Variants in INIP observed in about 807,000 individuals in gnomAD.
The protein encoded by INIP is SOSS complex subunit C.
INIP carries 9 observed loss-of-function variants against 14.0 expected under a neutral mutation model. The ratio of observed to expected loss-of-function variants is 0.64; its 90% confidence interval spans 0.39 to 1.12. The LOEUF (loss-of-function observed/expected upper bound fraction) is 1.12. INIP is among the 50% of genes most tolerant of loss of function. The probability of loss-of-function intolerance (pLI) is 0.01; values close to 1 mark genes in which losing one functional copy is unlikely to be tolerated. For missense variants in INIP, 78 were observed against 122.7 expected, an observed-to-expected ratio of 0.64 and a Z score of 1.72; for synonymous variants, 37 against 41.5, an observed-to-expected ratio of 0.89 and a Z score of 0.41.
intron 2 of INIP, among the ~76,000 whole-genome samples, chr9:112,708,183 A>G (rs1408562724): frequency 2.0e-5 from 3 of 152,262 alleles, no homozygotes; most frequent in African/African-American, 7.2e-5. Context: ...TATTGTAGGA[A>G]TGAATGCTAA....
intron 2 of INIP, among the ~76,000 whole-genome samples, chr9:112,703,617 A>G (rs1418488537): frequency 6.6e-6 from 1 of 152,182 alleles, no homozygotes; most frequent in African/African-American, 2.4e-5. Context: ...AGGGCAGGAA[A>G]AAAATATCAA....
At chr9:112,716,712 C>T (rs1311342428) in intron 1 of INIP, among the ~76,000 whole-genome samples, 171 bp from the exon 2 acceptor site, 1 of 151,858 alleles carries the variant, frequency 6.6e-6, no homozygotes, top group East Asian at 1.9e-4. Flanking sequence ...TTTGGGAGGC[C>T]GAGGCGGGCG....
At chr9:112,689,987 T>C (rs1008343082) in intron 3 of INIP, among the ~76,000 whole-genome samples, 10 of 152,306 alleles carry the variant, frequency 6.6e-5, no homozygotes, top group African/African-American at 2.4e-4. Flanking sequence ...AACTTTTCAT[T>C]ATATATTCTT....
chr9:112,695,099 C>T (rs1838029238), intron 2 of INIP, among the ~76,000 whole-genome samples: 1 of 152,118 alleles, frequency 6.6e-6, no homozygotes, highest in Non-Finnish European at 1.5e-5. Context: ...CAACAATTCA[C>T]CAGAACTAAG....
At chr9:112,715,129 T>TACACACACAC (rs1408313814) in intron 2 of INIP, among the ~76,000 whole-genome samples, 2 of 100,910 alleles carry the variant, frequency 2.0e-5, no homozygotes, top group Non-Finnish European at 4.1e-5. Flanking sequence ...CATACATACA[T>TACACACACAC]ACATACACAC....
intron 3 of INIP, among the ~76,000 whole-genome samples, chr9:112,692,431 G>A (rs1354900887): frequency 6.6e-6 from 1 of 152,046 alleles, no homozygotes; most frequent in African/African-American, 2.4e-5. Context: ...CTACAGGCAT[G>A]CACCACCATG....
chr9:112,716,215 G>A (rs937939999), intron 2 of INIP, among the ~76,000 whole-genome samples: 2 of 152,110 alleles, frequency 1.3e-5, no homozygotes, highest in African/African-American at 2.4e-5. Context: ...TGGGATTACA[G>A]GTGCCCGCCA....
chr9:112,712,916 C>T (rs1427597348), intron 2 of INIP, among the ~76,000 whole-genome samples: 1 of 152,130 alleles, frequency 6.6e-6, no homozygotes, highest in Admixed American at 6.5e-5. Flanking sequence ...TCTAGGCATA[C>T]CATAGTCAGA....
At chr9:112,703,679 G>C (rs1838369925) in intron 2 of INIP, among the ~76,000 whole-genome samples, 1 of 152,142 alleles carries the variant, frequency 6.6e-6, no homozygotes, top group Admixed American at 6.5e-5. Flanking sequence ...CTGGTCTCAA[G>C]TAATCCTTCC....
intron 4 of INIP, 46 bp downstream of exon 4, chr9:112,689,481 T>C (rs750481006): frequency 1.4e-6 from 2 of 1,454,886 alleles, no homozygotes; most frequent in Non-Finnish European, 9.6e-7. Flanking sequence ...GCTTCTGAGA[T>C]CCAGGAAACC....
In INIP at chr9:112,694,157, C is replaced by G. The variant is rs1254179063; in HGVS notation, c.102G>C (p.Gln34His). The part of the protein sequence containing the change: ...KEKRKLLMQN[Q>H]SSTNHPGASI... ...TAGCTCCAGGATGATTTGTTGAAGACTGGTTCTGCATAAGTAGTTTTCTTT... is the reference window on the plus strand; with the variant it reads ...TAGCTCCAGGATGATTTGTTGAAGAGTGGTTCTGCATAAGTAGTTTTCTTT... The change falls in exon 3 of 5, where the codon CAG becomes CAC. Residue 34 changes from glutamine to histidine, a missense_variant. By Grantham distance (24) the Gln-to-His change is conservative. Transcript: ENST00000374242. 2.5e-6 allele frequency: 4 copies of G among 1,608,066 alleles called. No homozygotes were observed. Among genetic ancestry groups the G allele is most frequent in the Non-Finnish European group, 3.4e-6 (4 of 1,176,632 alleles).
intron 3 of INIP, among the ~76,000 whole-genome samples, chr9:112,693,190 TA>T (rs1310054176): frequency 1.3e-5 from 2 of 152,194 alleles, no homozygotes; most frequent in Admixed American, 1.3e-4. Context: ...TTCTTTGATA[TA>T]AAAATTATTT....
At chr9:112,710,893 G>A (rs957460057) in intron 2 of INIP, among the ~76,000 whole-genome samples, 5 of 151,954 alleles carry the variant, frequency 3.3e-5, no homozygotes, top group African/African-American at 7.3e-5. Context: ...AAATACAGCC[G>A]GGCATGGTGG....
At chr9:112,715,773 CAAAAAA>C (rs767866943) in intron 2 of INIP, among the ~76,000 whole-genome samples, 2 of 107,620 alleles carry the variant, frequency 1.9e-5, no homozygotes, top group South Asian at 5.9e-4. Context: ...AATTCCATCT[CAAAAAA>C]AAAAAAAAAG....
In INIP at chr9:112,686,505, C is replaced by T. The variant is rs986655986; in HGVS notation, c.*1033G>A. The T allele has an allele frequency of 8.5e-5, 13 of 152,062 alleles. No individual in the cohort carries two copies. The highest frequency in any genetic ancestry group is 3.1e-4 in the African/African-American group (13 of 41,428). The allele number at this position is 152,062 out of a possible 1,614,324, so 9.4% of individuals were successfully genotyped here. A position where few individuals can be genotyped will look rare whatever the true frequency, so the allele number is the denominator to read the frequency against. ...CTCGACTTGCATAAGTTTTCTTTTT[C>T]TTTTTTTCTTTGAGACAAAGACTCA... On this transcript the variant is annotated 3_prime_UTR_variant, in exon 5 of 5. Transcript: ENST00000374242.
intron 2 of INIP, among the ~76,000 whole-genome samples, chr9:112,696,180 CTG>C (rs1838088354): frequency 1.2e-4 from 18 of 152,140 alleles, no homozygotes; most frequent in Non-Finnish European, 1.5e-5. Context: ...GTGTGAGCAA[CTG>C]AGCTAAGCCC....
intron 2 of INIP, among the ~76,000 whole-genome samples, chr9:112,710,013 G>C (rs1838596943): frequency 2.0e-5 from 3 of 152,270 alleles, no homozygotes; most frequent in African/African-American, 7.2e-5. Context: ...TCTTTAAAAA[G>C]GTACAAATAG....
In INIP at chr9:112,684,914, C is replaced by T. The variant is rs537999977; in HGVS notation, c.*2624G>A. On this transcript the variant is annotated 3_prime_UTR_variant, in exon 5 of 5. Transcript: ENST00000374242. ...GAGGGCTTCCCAGTCCACTGCTGCCCTTTCCCTCACCCTCTGCAGTGCCTG... is the reference window on the plus strand; with the variant it reads ...GAGGGCTTCCCAGTCCACTGCTGCCTTTTCCCTCACCCTCTGCAGTGCCTG... 1.4e-4 allele frequency: 21 copies of T among 152,394 alleles called. No individual in the cohort carries two copies. Among genetic ancestry groups the T allele is most frequent in the African/African-American group, 4.8e-4 (20 of 41,568 alleles). 9.4% of individuals were successfully genotyped at this position (152,394 alleles called of 1,614,324 possible).
intron 2 of INIP, among the ~76,000 whole-genome samples, chr9:112,700,893 G>A (rs1044609161): frequency 6.6e-6 from 1 of 152,046 alleles, no homozygotes; most frequent in African/African-American, 2.4e-5. Context: ...GAGCTATGCA[G>A]TGAGCTATTT....
Sources: allele counts gnomAD v4.1 joint callset (sites outside exome capture counted in the v4.1 genomes callset), GRCh38; gene constraint gnomAD v4.1.1; transcripts MANE v1.5; gene names NCBI Gene and HGNC (gene_info 2026-07-23, HGNC 2026-07-21).